Variants in RGS18 observed in about 807,000 individuals in gnomAD.
The protein encoded by RGS18 is regulator of G protein signaling 18, also known as regulator of G-protein signaling 18.
RGS18 carries 22 observed loss-of-function variants against 27.6 expected under a neutral mutation model. The ratio of observed to expected loss-of-function variants is 0.80; its 90% CI spans 0.57 to 1.14. The LOEUF (loss-of-function observed/expected upper bound fraction) is 1.14, where lower values mean the gene tolerates loss of function less well. Among genes scored for constraint, RGS18 ranks in the 50% most tolerant of loss-of-function variants. The pLI, the probability that RGS18 is intolerant of heterozygous loss-of-function variation, is 0.00. For missense variants in RGS18, 299 were observed against 269.6 expected (o/e 1.11, Z -0.76); for synonymous variants, 89 against 84.6 (o/e 1.05, Z -0.29).
chr1:192,185,666 T>C lies in RGS18; in HGVS notation c.*1112T>C, dbSNP rs1010382288. ...ATGTGTGTTACATGGTCTGTAAATA[T>C]TTGTATTTAAAAATGCCATGCATTA... On this transcript the variant is annotated 3_prime_UTR_variant, in exon 5 of 5. Coordinates refer to ENST00000367460, the MANE Select transcript of RGS18 (RefSeq NM_130782.3). 5 of 151,650 alleles carry C rather than the reference T, an allele frequency of 3.3e-5. No individual in the cohort carries two copies. The highest frequency in any genetic ancestry group is 5.9e-5 in the Non-Finnish European group (4 of 67,724). The allele number at this position is 151,650 out of a possible 1,614,324, so 9.4% of individuals were successfully genotyped here.
chr1:192,172,110 C>T (rs1656269475), intron 3 of RGS18, among the ~76,000 whole-genome samples: 1 of 151,980 alleles, frequency 6.6e-6, no homozygotes, highest in Non-Finnish European at 1.5e-5. Context: ...AGGTTCATTC[C>T]CACTGCTACG....
intron 4 of RGS18, among the ~76,000 whole-genome samples, 167 bp downstream of exon 4, chr1:192,181,625 T>C (rs760696351): frequency 5.3e-5 from 8 of 151,664 alleles, no homozygotes; most frequent in Admixed American, 4.0e-4. Context: ...TGTTTTAATA[T>C]ATGTATGCAT....
chr1:192,166,680 C>G (rs1445306305), intron 3 of RGS18, among the ~76,000 whole-genome samples: 1 of 151,840 alleles, frequency 6.6e-6, no homozygotes, highest in African/African-American at 2.4e-5. Context: ...AAGGATGAGC[C>G]AAAGATTTCT....
intron 3 of RGS18, among the ~76,000 whole-genome samples, chr1:192,165,023 A>G (rs1430334808): frequency 6.6e-6 from 1 of 152,196 alleles, no homozygotes; most frequent in East Asian, 1.9e-4. Flanking sequence ...CGGGCAGGAC[A>G]GTCATATTTC....
intron 3 of RGS18, among the ~76,000 whole-genome samples, chr1:192,170,337 C>G (rs150989065): frequency 6.6e-6 from 1 of 152,024 alleles, no homozygotes; most frequent in East Asian, 1.9e-4. Context: ...GTACTGTCTT[C>G]GCAGTAATAA....
At chr1:192,158,898 T>A in intron 1 of RGS18, 142 bp downstream of exon 1, 2 of 657,998 alleles carry the variant, frequency 3.0e-6, no homozygotes, top group Non-Finnish European at 2.6e-6. Flanking sequence ...AAACACCTTT[T>A]TATTTCTTAG....
chr1:192,168,837 A>C (rs964468843), intron 3 of RGS18: 13 of 152,228 alleles, frequency 8.5e-5, no homozygotes, highest in African/African-American at 2.9e-4. Context: ...CACTTACACT[A>C]TCTTTTACTG....
intron 3 of RGS18, chr1:192,161,488 G>A (rs1408303545): frequency 6.6e-6 from 1 of 152,006 alleles, no homozygotes; most frequent in Non-Finnish European, 1.5e-5. Flanking sequence ...ATGCAGCTAG[G>A]TAATCACAGA....
At position 192,159,215 on chromosome 1, in the gene RGS18, T is replaced by C; in HGVS notation, c.120-5T>C. ...TGTCCTGACATGAAGGCCTTTTTATTACAGAGCTAAGGAAAAAAGAAATAG... is the reference window on the plus strand; with the variant it reads ...TGTCCTGACATGAAGGCCTTTTTATCACAGAGCTAAGGAAAAAAGAAATAG... On this transcript the variant is annotated splice_region_variant and splice_polypyrimidine_tract_variant and intron_variant, in intron 1 of 4. Transcript: ENST00000367460. 6.2e-7 allele frequency: 1 copy of C among 1,603,194 alleles called. No individual in the cohort carries two copies.
At chr1:192,162,216 C>T (rs1462699541) in intron 3 of RGS18, among the ~76,000 whole-genome samples, 2 of 152,168 alleles carry the variant, frequency 1.3e-5, no homozygotes, top group African/African-American at 4.8e-5. Context: ...ACTGTACTCA[C>T]TTTTCTTCAT....
chr1:192,160,708 T>G (rs977243281), intron 3 of RGS18: 2 of 378,280 alleles, frequency 5.3e-6, no homozygotes, highest in Non-Finnish European at 9.5e-6. Context: ...TTTTTCCGAT[T>G]TTTGAATGAA....
At chr1:192,182,685 T>C (rs1656477093) in intron 4 of RGS18, among the ~76,000 whole-genome samples, 1 of 151,582 alleles carries the variant, frequency 6.6e-6, no homozygotes, top group Non-Finnish European at 1.5e-5. Flanking sequence ...TTCAGAGCTA[T>C]TTTCATTCTA....
chr1:192,178,267 A>C (rs1472542905), intron 3 of RGS18, among the ~76,000 whole-genome samples: 1 of 151,628 alleles, frequency 6.6e-6, no homozygotes, highest in African/African-American at 2.4e-5. Flanking sequence ...AAAGATGATA[A>C]ATGTACCATT....
intron 4 of RGS18, among the ~76,000 whole-genome samples, chr1:192,183,462 T>C (rs1255965966): frequency 6.6e-6 from 1 of 151,622 alleles, no homozygotes; most frequent in Non-Finnish European, 1.5e-5. Context: ...TAGTTACCTA[T>C]TTTGAAAATG....
At chr1:192,172,642 C>T (rs970157006) in intron 3 of RGS18, among the ~76,000 whole-genome samples, 1 of 151,718 alleles carries the variant, frequency 6.6e-6, no homozygotes, top group Non-Finnish European at 1.5e-5. Context: ...AGAGTCAGGT[C>T]CTTCTTAGGT....
chr1:192,171,344 C>T (rs750891881), intron 3 of RGS18, among the ~76,000 whole-genome samples: 5 of 151,958 alleles, frequency 3.3e-5, no homozygotes, highest in South Asian at 2.1e-4. Context: ...GCAGTAAGGC[C>T]TTCATCAGAC....
At chr1:192,182,308 A>T (rs1282997525) in intron 4 of RGS18, among the ~76,000 whole-genome samples, 1 of 151,590 alleles carries the variant, frequency 6.6e-6, no homozygotes, top group Non-Finnish European at 1.5e-5. Flanking sequence ...ATGCCCACCA[A>T]CAATGCATGA....
rs748681427 is a variant in RGS18, at chr1:192,164,622, T to C, written c.283+4183T>C. On this transcript the variant is annotated intron_variant, in intron 3 of 4. Transcript: ENST00000367460. ...AGATATTAATAACAGGGAAATTGAA[T>C]CGGGGGCATATTACCTTCTTCTAAA... Among the ~76,000 whole-genome samples, 8 of 152,170 alleles carry C rather than the reference T, an allele frequency of 5.3e-5. 1 individual carries two copies. Among genetic ancestry groups the C allele is most frequent in the Non-Finnish European group, 1.0e-4 (7 of 68,036 alleles).
chr1:192,166,373 G>A (rs1214762013), intron 3 of RGS18, among the ~76,000 whole-genome samples: 2 of 152,094 alleles, frequency 1.3e-5, no homozygotes, highest in Non-Finnish European at 2.9e-5. Context: ...AGTACTAAGA[G>A]ATTTTGACAT....
Sources: allele counts gnomAD v4.1 joint callset (sites outside exome capture counted in the v4.1 genomes callset), GRCh38; gene constraint gnomAD v4.1.1; transcripts MANE v1.5; gene names NCBI Gene and HGNC (gene_info 2026-07-23, HGNC 2026-07-21).